The following FTO variants were observed in gnomAD, a reference collection of about 807,000 sequenced individuals.
The protein encoded by FTO is alpha-ketoglutarate-dependent dioxygenase FTO.
A neutral mutation model predicts 63.9 loss-of-function variants in FTO; 47 were observed. The observed-to-expected ratio is 0.74, with a 90% CI of 0.58 to 0.94. FTO has a LOEUF of 0.94. Ranked by LOEUF, FTO falls within the 40% of genes least tolerant of loss-of-function variation. FTO has a pLI of 0.00. For synonymous variants in FTO, 207 were observed against 224.4 expected (o/e 0.92, Z 0.69); for missense variants, 562 against 618.1 (o/e 0.91, Z 0.96).
At chr16:53,995,720 A>G (rs1358570299) in intron 8 of FTO, among the ~76,000 whole-genome samples, 1 of 152,232 alleles carries the variant, frequency 6.6e-6, no homozygotes, top group Admixed American at 6.5e-5. Context: ...GAGAGAATCC[A>G]AATTTTATTT....
At chr16:53,885,632 A>G (rs1360064563) in intron 6 of FTO, among the ~76,000 whole-genome samples, 1 of 152,228 alleles carries the variant, frequency 6.6e-6, no homozygotes, top group African/African-American at 2.4e-5. Context: ...CTTGTTTAGT[A>G]TGCATTCTTG....
At chr16:53,847,025 T>A (rs190694722) in intron 4 of FTO, among the ~76,000 whole-genome samples, 1 of 152,316 alleles carries the variant, frequency 6.6e-6, no homozygotes, top group Non-Finnish European at 1.5e-5. Context: ...TGTATATGTA[T>A]GTCTGGAATT....
At chr16:53,882,312 A>G (rs549572102) in intron 6 of FTO, among the ~76,000 whole-genome samples, 6 of 152,194 alleles carry the variant, frequency 3.9e-5, no homozygotes, top group Admixed American at 3.9e-4. Context: ...GATGATGGTA[A>G]GTAATACACT....
chr16:53,974,125 G>C (rs2143757673), intron 8 of FTO, among the ~76,000 whole-genome samples: 1 of 152,268 alleles, frequency 6.6e-6, no homozygotes, highest in Middle Eastern at 3.4e-3. Flanking sequence ...ATTTGAGTCT[G>C]AGGATCATTT....
intron 1 of FTO, among the ~76,000 whole-genome samples, chr16:53,755,052 G>A (rs1368120625): frequency 1.3e-5 from 2 of 152,346 alleles, no homozygotes; most frequent in South Asian, 2.1e-4. Flanking sequence ...ACCATTGCTA[G>A]TTGTGTGTAA....
At chr16:53,845,640 G>A (rs2079597608) in intron 4 of FTO, among the ~76,000 whole-genome samples, 1 of 152,126 alleles carries the variant, frequency 6.6e-6, no homozygotes, top group Non-Finnish European at 1.5e-5. Flanking sequence ...AATTAGAAGG[G>A]CTTTAGAAAT....
intron 1 of FTO, among the ~76,000 whole-genome samples, chr16:53,725,309 T>C (rs1422961541): frequency 2.0e-5 from 3 of 152,222 alleles, no homozygotes; most frequent in Admixed American, 6.5e-5. Flanking sequence ...TAAGGAATTT[T>C]CCCACTCAGA....
intron 7 of FTO, among the ~76,000 whole-genome samples, chr16:53,895,096 C>A (rs186081027): frequency 2.0e-5 from 3 of 152,132 alleles, no homozygotes; most frequent in African/African-American, 7.2e-5. Context: ...CCTACCCACC[C>A]ACTCTAATTC....
chr16:54,033,111 A>G (rs1333501375), intron 8 of FTO, among the ~76,000 whole-genome samples: 1 of 152,172 alleles, frequency 6.6e-6, no homozygotes, highest in Non-Finnish European at 1.5e-5. Context: ...CTTTATAGCA[A>G]TGCAAGAATG....
chr16:53,802,916 A>G (rs951101221), intron 1 of FTO, among the ~76,000 whole-genome samples: 7 of 152,112 alleles, frequency 4.6e-5, no homozygotes, highest in Non-Finnish European at 1.0e-4. Flanking sequence ...CTGTTTCTCT[A>G]CTTACCATGC....
chr16:54,084,801 G>C (rs1223804987), intron 8 of FTO, among the ~76,000 whole-genome samples: 1 of 152,182 alleles, frequency 6.6e-6, no homozygotes, highest in Non-Finnish European at 1.5e-5. Context: ...GCTGCTGAGA[G>C]GGGGTAATGG....
intron 4 of FTO, among the ~76,000 whole-genome samples, chr16:53,861,874 A>C (rs1287269198): frequency 1.3e-5 from 2 of 152,160 alleles, no homozygotes; most frequent in Non-Finnish European, 2.9e-5. Context: ...TCTTTGCATT[A>C]TAGAAGAGTG....
chr16:53,864,310 G>A (rs1268378920), intron 4 of FTO, among the ~76,000 whole-genome samples: 2 of 152,144 alleles, frequency 1.3e-5, no homozygotes, highest in Non-Finnish European at 2.9e-5. Flanking sequence ...AAATGGCCCT[G>A]GTAATGTACG....
intron 3 of FTO, among the ~76,000 whole-genome samples, chr16:53,841,690 C>T (rs1307582069): frequency 2.6e-5 from 4 of 152,102 alleles, no homozygotes; most frequent in Admixed American, 6.5e-5. Context: ...CGGTAGAGTA[C>T]GACATTCAGA....
chr16:53,994,819 C>T (rs2083897868), intron 8 of FTO, among the ~76,000 whole-genome samples: 1 of 151,808 alleles, frequency 6.6e-6, no homozygotes, highest in Non-Finnish European at 1.5e-5. Flanking sequence ...CAGCAATTTC[C>T]GTCTCCCAGG....
chr16:53,982,066 C>T (rs1473207348), intron 8 of FTO, among the ~76,000 whole-genome samples: 2 of 151,402 alleles, frequency 1.3e-5, no homozygotes, highest in African/African-American at 2.4e-5. Flanking sequence ...GGCGACAGAG[C>T]GAGACTCTGT....
At chr16:53,850,768 A>T (rs1238514399) in intron 4 of FTO, among the ~76,000 whole-genome samples, 1 of 152,110 alleles carries the variant, frequency 6.6e-6, no homozygotes, top group Non-Finnish European at 1.5e-5. Context: ...AAAAAAATTA[A>T]TGGAGATTGA....
intron 1 of FTO, among the ~76,000 whole-genome samples, chr16:53,779,664 T>C (rs2077540949): frequency 6.6e-6 from 1 of 152,232 alleles, no homozygotes; most frequent in South Asian, 2.1e-4. Context: ...ATGGATATAT[T>C]GTGTAGTGGT....
chr16:53,908,690 T>C (rs1029518640), intron 7 of FTO, among the ~76,000 whole-genome samples: 2 of 152,226 alleles, frequency 1.3e-5, no homozygotes, highest in African/African-American at 2.4e-5. Context: ...GGAATTGTCA[T>C]TGAGATGCCA....
Sources: allele counts gnomAD v4.1 joint callset (sites outside exome capture counted in the v4.1 genomes callset), GRCh38; gene constraint gnomAD v4.1.1; transcripts MANE v1.5; gene names NCBI Gene and HGNC (gene_info 2026-07-23, HGNC 2026-07-21).